Variants in SRPK2 observed in about 807,000 individuals in gnomAD.
SRPK2 encodes the protein SRSF protein kinase 2, also known as SFRS protein kinase 2.
In SRPK2, 21 loss-of-function variants were observed where a neutral mutation model predicts 90.8. That is an observed-to-expected ratio of 0.23 (90% CI 0.16 to 0.33). The LOEUF is 0.33. SRPK2 is among the 10% of genes least tolerant of loss of function. The pLI is 1.00. For synonymous variants in SRPK2, 288 were observed against 311.1 expected (o/e 0.93, Z 0.78); for missense variants, 620 against 869.0 (o/e 0.71, Z 3.60).
At position 105,166,968 on chromosome 7, in the gene SRPK2, C is replaced by T. The variant is rs78681769; in HGVS notation, c.514+409G>A. 3.1e-3 allele frequency among the ~76,000 whole-genome samples: 466 copies of T among 152,114 alleles called. 14 individuals carry two copies. The East Asian group carries it at 0.062, about 20-fold the overall frequency. ...AGAGCATTTTTCCTTTTATCTTAAC[C>T]AATGCTCCATTTTCACATGGTGCTT... On this transcript the variant is annotated intron_variant, in intron 6 of 15. Transcript: ENST00000393651.
At chr7:105,134,146 T>G (rs1802441504) in intron 11 of SRPK2, among the ~76,000 whole-genome samples, 1 of 152,164 alleles carries the variant, frequency 6.6e-6, no homozygotes, top group Admixed American at 6.5e-5. Context: ...CTGTTCAATG[T>G]AGAACATTAA....
At chr7:105,159,461 A>AC (rs1807141911) in intron 7 of SRPK2, among the ~76,000 whole-genome samples, 4 of 148,288 alleles carry the variant, frequency 2.7e-5, no homozygotes, top group Non-Finnish European at 4.5e-5. Context: ...AAAAAAAAAA[A>AC]AAAAAAAAAA....
At chr7:105,288,143 G>T (rs1453111308) in intron 2 of SRPK2, among the ~76,000 whole-genome samples, 3 of 152,132 alleles carry the variant, frequency 2.0e-5, no homozygotes, top group Admixed American at 2.0e-4. Flanking sequence ...ATTTAAAAAG[G>T]AAGTCTTATG....
Position 105,182,865 on chromosome 7 carries a change from C to T in SRPK2, c.230-13600G>A, listed in dbSNP as rs143542720. Among the ~76,000 whole-genome samples the T allele has an allele frequency of 3.1e-3, 470 of 152,182 alleles. 2 individuals carry two copies. Among genetic ancestry groups the T allele is most frequent in the South Asian group, 0.018 (88 of 4,822 alleles). On this transcript the variant is annotated intron_variant, in intron 3 of 15. Coordinates refer to ENST00000393651, the MANE Select transcript of SRPK2 (RefSeq NM_182692.3). Reference sequence around the variant, plus strand: ...GACCAGAAGGAGGGAAAGTAAACTACTAATCTAAATATATCCCAAGTAGTA... The same window carrying T: ...GACCAGAAGGAGGGAAAGTAAACTATTAATCTAAATATATCCCAAGTAGTA...
intron 2 of SRPK2, among the ~76,000 whole-genome samples, chr7:105,280,804 G>A (rs999725958): frequency 2.0e-5 from 3 of 150,952 alleles, no homozygotes; most frequent in Non-Finnish European, 2.9e-5. Context: ...AAAATTAGCC[G>A]GGCGTGGTGG....
chr7:105,152,632 C>T (rs541413816), intron 7 of SRPK2, among the ~76,000 whole-genome samples: 2 of 152,280 alleles, frequency 1.3e-5, no homozygotes, highest in South Asian at 4.1e-4. Flanking sequence ...ATGTTTCATC[C>T]CCATGGATAG....
At chr7:105,300,342 T>C (rs1810390002) in intron 2 of SRPK2, among the ~76,000 whole-genome samples, 1 of 151,852 alleles carries the variant, frequency 6.6e-6, no homozygotes, top group African/African-American at 2.4e-5. Context: ...TGTATAGTTA[T>C]ACATCTGACA....
intron 1 of SRPK2, among the ~76,000 whole-genome samples, chr7:105,396,514 C>G (rs1342807544): frequency 6.6e-6 from 1 of 151,700 alleles, no homozygotes; most frequent in Non-Finnish European, 1.5e-5. Context: ...GCCTGTAGTC[C>G]CAGCTACTTG....
intron 2 of SRPK2, among the ~76,000 whole-genome samples, chr7:105,251,142 T>A (rs921542673): frequency 1.3e-5 from 2 of 152,218 alleles, no homozygotes; most frequent in Non-Finnish European, 2.9e-5. Flanking sequence ...GAAGTAACTA[T>A]AACAGGACAA....
intron 2 of SRPK2, among the ~76,000 whole-genome samples, chr7:105,357,438 C>A (rs1333452228): frequency 6.6e-6 from 1 of 152,116 alleles, no homozygotes; most frequent in Non-Finnish European, 1.5e-5. Flanking sequence ...AAATTACAAA[C>A]CTAAATAGAG....
intron 2 of SRPK2, among the ~76,000 whole-genome samples, chr7:105,295,929 A>C (rs1049812841): frequency 4.6e-5 from 7 of 152,224 alleles, no homozygotes; most frequent in African/African-American, 1.7e-4. Flanking sequence ...ACAGGATATA[A>C]ACACTGCTAG....
intron 3 of SRPK2, among the ~76,000 whole-genome samples, chr7:105,178,616 C>A (rs1285615493): frequency 6.6e-6 from 1 of 151,850 alleles, no homozygotes; most frequent in Non-Finnish European, 1.5e-5. Flanking sequence ...GCCAGGAGTT[C>A]GAGACTAGCC....
intron 2 of SRPK2, among the ~76,000 whole-genome samples, chr7:105,244,443 G>A (rs561715286): frequency 1.3e-5 from 2 of 152,276 alleles, no homozygotes; most frequent in African/African-American, 4.8e-5. Flanking sequence ...GGTACCAGGC[G>A]CGCGCCTGTA....
rs184031533 is a variant in SRPK2, at chr7:105,353,449, C to T, written c.71+35199G>A. On this transcript the variant is annotated intron_variant, in intron 2 of 15. Transcript: ENST00000393651. ...TGACCTCCTGGGCTCAAGCAATCCT[C>T]CCATCTCAGCCTCCCAAGTAGCTGG... 7.2e-5 allele frequency among the ~76,000 whole-genome samples: 11 copies of T among 152,248 alleles called. No individual in the cohort carries two copies. In the East Asian group the frequency reaches 2.1e-3, roughly 29 times the overall value.
chr7:105,207,888 CATAAGTG>C (rs1563083864), intron 2 of SRPK2, among the ~76,000 whole-genome samples: 3 of 152,188 alleles, frequency 2.0e-5, no homozygotes, highest in Non-Finnish European at 2.9e-5. Context: ...ACTTGTAAAT[CATAAGTG>C]ATAAGTGATA....
chr7:105,323,372 T>G (rs1813160531), intron 2 of SRPK2, among the ~76,000 whole-genome samples: 1 of 152,196 alleles, frequency 6.6e-6, no homozygotes, highest in Non-Finnish European at 1.5e-5. Context: ...TATTCAAGTC[T>G]GCATTACCTT....
At chr7:105,373,409 T>A (rs1029405099) in intron 2 of SRPK2, among the ~76,000 whole-genome samples, 1 of 149,828 alleles carries the variant, frequency 6.7e-6, no homozygotes, top group Non-Finnish European at 1.5e-5. Flanking sequence ...TTTTCCTTTT[T>A]TTTTTTTTTT....
At chr7:105,351,463 C>T (rs1459625298) in intron 2 of SRPK2, among the ~76,000 whole-genome samples, 1 of 151,060 alleles carries the variant, frequency 6.6e-6, no homozygotes, top group Admixed American at 6.6e-5. Context: ...TTTGAGACCA[C>T]CCTAGGTGAC....
At chr7:105,122,418 T>A (rs1800517479) in intron 15 of SRPK2, among the ~76,000 whole-genome samples, 1 of 152,026 alleles carries the variant, frequency 6.6e-6, no homozygotes, top group Admixed American at 6.6e-5. Flanking sequence ...AGCCAAAAAG[T>A]GGGGGAAAAC....
Sources: gnomAD v4.1 joint callset for allele counts (sites outside exome capture counted in the v4.1 genomes callset) on GRCh38, gnomAD v4.1.1 for gene constraint, MANE v1.5 for transcripts, NCBI Gene and HGNC (gene_info 2026-07-23, HGNC 2026-07-21) for gene names.